FSIP1: variants seen among roughly 807,000 people sequenced by gnomAD.
The protein encoded by FSIP1 is fibrous sheath-interacting protein 1.
A neutral mutation model predicts 60.9 loss-of-function variants in FSIP1; 65 were observed. The ratio of observed to expected loss-of-function variants is 1.07; its 90% CI spans 0.87 to 1.31. The LOEUF is 1.31. Among genes scored for constraint, FSIP1 ranks in the 40% most tolerant of loss-of-function variants. The pLI is 0.00. For synonymous variants in FSIP1, 209 were observed against 221.2 expected, an observed-to-expected ratio of 0.94 and a Z score of 0.49; for missense variants, 675 against 665.5, an observed-to-expected ratio of 1.01 and a Z score of -0.16.
At chr15:39,608,488 T>A (rs998946814) in intron 11 of FSIP1, among the ~76,000 whole-genome samples, 1 of 152,236 alleles carries the variant, frequency 6.6e-6, no homozygotes, top group Non-Finnish European at 1.5e-5. Flanking sequence ...TTGCATCCAA[T>A]TTTGTAAGTT....
intron 11 of FSIP1, 75 bp from the exon 12 acceptor site, chr15:39,601,001 T>C (rs1739220110): frequency 8.7e-7 from 1 of 1,153,028 alleles, no homozygotes; most frequent in African/African-American, 1.6e-5. Context: ...CAACTCAGCC[T>C]ATAAAATATT....
At chr15:39,684,068 G>A (rs1179594926) in intron 10 of FSIP1, among the ~76,000 whole-genome samples, 1 of 152,170 alleles carries the variant, frequency 6.6e-6, no homozygotes, top group East Asian at 1.9e-4. Context: ...ATGATTTTCT[G>A]TAGGTACAGA....
Position 39,713,534 on chromosome 15 carries a change from T to C in FSIP1, c.1098A>G (p.Glu366=). ...GERNMEVTPG[E]KILRNTKEQR... ...GCTCTTTGGTGTTCCTAAGTATCTTTTCTCCTGGAGTTACTTCCATATTTC... is the reference window on the plus strand; with the variant it reads ...GCTCTTTGGTGTTCCTAAGTATCTTCTCTCCTGGAGTTACTTCCATATTTC... The change falls in exon 10 of 12, where the codon GAA becomes GAG. Residue 366 remains glutamate, a synonymous_variant. Coordinates refer to ENST00000350221, the MANE Select transcript of FSIP1 (RefSeq NM_152597.5). 1 of 1,609,652 alleles carries C rather than the reference T, an allele frequency of 6.2e-7. No homozygotes were observed. The highest frequency in any genetic ancestry group is 2.2e-5 in the East Asian group (1 of 44,644).
At chr15:39,757,838 G>A (rs1897349340) in intron 5 of FSIP1, among the ~76,000 whole-genome samples, 1 of 152,102 alleles carries the variant, frequency 6.6e-6, no homozygotes. Context: ...CAGACATCTG[G>A]TTCACCTAAC....
chr15:39,656,967 C>A (rs77125528), intron 10 of FSIP1, among the ~76,000 whole-genome samples: 2 of 152,280 alleles, frequency 1.3e-5, no homozygotes, highest in East Asian at 3.9e-4. Flanking sequence ...GGCCTTGTGG[C>A]TCCCAGATCT....
intron 10 of FSIP1, among the ~76,000 whole-genome samples, chr15:39,659,420 T>C (rs1893201111): frequency 6.6e-6 from 1 of 151,746 alleles, no homozygotes; most frequent in East Asian, 1.9e-4. Context: ...CGGGCGCCTG[T>C]AGTCCCAGCT....
chr15:39,611,533 T>G (rs1891033148), intron 11 of FSIP1, among the ~76,000 whole-genome samples: 1 of 152,032 alleles, frequency 6.6e-6, no homozygotes, highest in African/African-American at 2.4e-5. Context: ...AAGGAAAAGA[T>G]TCAAAGCATA....
At chr15:39,615,413 GC>G (rs1891188552) in intron 11 of FSIP1, among the ~76,000 whole-genome samples, 1 of 86,608 alleles carries the variant, frequency 1.2e-5, no homozygotes. Context: ...CAACTCAATA[GC>G]AAAAAAAAAA....
chr15:39,775,079 A>AG (rs1898009409), intron 2 of FSIP1, among the ~76,000 whole-genome samples: 1 of 152,226 alleles, frequency 6.6e-6, no homozygotes, highest in Non-Finnish European at 1.5e-5. Context: ...GCAGTGGCAC[A>AG]ATCACAACTC....
intron 5 of FSIP1, among the ~76,000 whole-genome samples, chr15:39,746,592 G>C (rs1330754962): frequency 6.6e-6 from 1 of 152,110 alleles, no homozygotes; most frequent in Non-Finnish European, 1.5e-5. Context: ...TACCTCATTG[G>C]AGGATAAGAA....
At chr15:39,627,656 T>TCCCACAAGTCA (rs1052779195) in intron 10 of FSIP1, among the ~76,000 whole-genome samples, 66 of 151,926 alleles carry the variant, frequency 4.3e-4, no homozygotes, top group Non-Finnish European at 4.4e-5. Flanking sequence ...TCTGCATGTG[T>TCCCACAAGTCA]CCCACAAGTC....
chr15:39,738,171 T>C lies in FSIP1; in HGVS notation c.811A>G (p.Met271Val), dbSNP rs747684298. The C allele has an allele frequency of 2.5e-6, 4 of 1,612,622 alleles. No individual in the cohort carries two copies. The highest frequency in any genetic ancestry group is 3.4e-6 in the Non-Finnish European group (4 of 1,179,362). Residue 271 changes from methionine to valine, a missense_variant, in exon 8 of 12, where the codon ATG (methionine) becomes GTG (valine). Physicochemically the swap from Met to Val is conservative, Grantham distance 21. Coordinates refer to ENST00000350221, the MANE Select transcript of FSIP1 (RefSeq NM_152597.5). ...LAKESRNPVV[M>V]VDREKKRLVE... ...AGCCTTTTCTTCTCTCTGTCAACCA[T>C]AACCACTGGGTTTCTTGATTCCTTG...
intron 5 of FSIP1, among the ~76,000 whole-genome samples, chr15:39,761,418 C>T (rs957363583): frequency 6.6e-6 from 1 of 152,208 alleles, no homozygotes; most frequent in African/African-American, 2.4e-5. Flanking sequence ...CTATCATTTG[C>T]AACAACATGA....
At chr15:39,606,354 A>G (rs1415302127) in intron 11 of FSIP1, among the ~76,000 whole-genome samples, 1 of 152,236 alleles carries the variant, frequency 6.6e-6, no homozygotes, top group African/African-American at 2.4e-5. Context: ...CTGACACACA[A>G]TTGTACATAT....
intron 10 of FSIP1, among the ~76,000 whole-genome samples, chr15:39,707,783 C>T (rs1377461586): frequency 1.3e-5 from 2 of 152,046 alleles, no homozygotes; most frequent in Non-Finnish European, 2.9e-5. Flanking sequence ...AGGGGACCTG[C>T]CAAGGTCACA....
intron 10 of FSIP1, among the ~76,000 whole-genome samples, chr15:39,676,559 A>C (rs1053151213): frequency 1.3e-4 from 20 of 152,210 alleles, no homozygotes; most frequent in African/African-American, 4.8e-4. Context: ...GTGCTCCGTG[A>C]AAGGCACATT....
At chr15:39,633,236 C>G (rs1239038049) in intron 10 of FSIP1, among the ~76,000 whole-genome samples, 1 of 151,816 alleles carries the variant, frequency 6.6e-6, no homozygotes, top group Non-Finnish European at 1.5e-5. Context: ...ACTATAGGCA[C>G]GCACCATTGC....
At chr15:39,749,263 C>CAA (rs3065148) in intron 5 of FSIP1, among the ~76,000 whole-genome samples, 6,326 of 98,486 alleles carry the variant, frequency 0.064, 754 homozygotes, top group Admixed American at 0.26. Flanking sequence ...TAAACTCTTC[C>CAA]AAAAAAAAAA....
At chr15:39,749,284 A>G (rs1906166) in intron 5 of FSIP1, among the ~76,000 whole-genome samples, 18,541 of 146,670 alleles carry the variant, frequency 0.13, 1,656 homozygotes, top group Admixed American at 0.25. Flanking sequence ...AAACCAGGCT[A>G]GAGGGGATAC....
Sources: allele counts gnomAD v4.1 joint callset (sites outside exome capture counted in the v4.1 genomes callset), GRCh38; gene constraint gnomAD v4.1.1; transcripts MANE v1.5; gene names NCBI Gene and HGNC (gene_info 2026-07-23, HGNC 2026-07-21).